Variants in ERC2 observed in about 807,000 individuals in gnomAD.
ERC2 encodes ERC protein 2.
Under a neutral mutation model 114.8 loss-of-function variants are expected in ERC2, and 42 were observed. The ratio of observed to expected loss-of-function variants is 0.37; its 90% CI spans 0.29 to 0.47. The LOEUF (loss-of-function observed/expected upper bound fraction) is 0.47. Ranked by LOEUF, ERC2 falls within the 20% of genes least tolerant of loss-of-function variation. ERC2 has a pLI of 0.99. For missense variants in ERC2, 939 were observed against 1,150.7 expected, an observed-to-expected ratio of 0.82 and a Z score of 2.66; for synonymous variants, 454 against 425.5, an observed-to-expected ratio of 1.07 and a Z score of -0.82.
At chr3:55,997,545 T>C (rs1430974111) in intron 10 of ERC2, among the ~76,000 whole-genome samples, 1 of 148,494 alleles carries the variant, frequency 6.7e-6, no homozygotes, top group Non-Finnish European at 1.5e-5. Flanking sequence ...TAACATATTA[T>C]AACTCTATAA....
chr3:56,268,333 T>G (rs762092952), intron 3 of ERC2, among the ~76,000 whole-genome samples: 5 of 152,208 alleles, frequency 3.3e-5, no homozygotes, highest in Admixed American at 6.5e-5. Context: ...TCTACAATGT[T>G]CACGCAATGT....
intron 17 of ERC2, among the ~76,000 whole-genome samples, chr3:55,550,584 T>C (rs2055096776): frequency 6.6e-6 from 1 of 152,208 alleles, no homozygotes; most frequent in Admixed American, 6.5e-5. Context: ...TTATGAATTG[T>C]TCCTTGTTGC....
intron 7 of ERC2, among the ~76,000 whole-genome samples, chr3:56,046,565 G>A (rs972980107): frequency 3.9e-5 from 6 of 152,278 alleles, no homozygotes; most frequent in African/African-American, 1.4e-4. Context: ...ACCCATTGGA[G>A]GCCAACCATA....
chr3:55,812,258 G>A (rs2059746650), intron 14 of ERC2, among the ~76,000 whole-genome samples: 1 of 152,202 alleles, frequency 6.6e-6, no homozygotes, highest in Non-Finnish European at 1.5e-5. Context: ...TTCTCCCATA[G>A]AGGGGACCTC....
At chr3:55,883,894 A>ACAACAG (rs1215278488) in intron 14 of ERC2, among the ~76,000 whole-genome samples, 4 of 148,446 alleles carry the variant, frequency 2.7e-5, no homozygotes, top group African/African-American at 1.0e-4. Flanking sequence ...TCTCAAAACA[A>ACAACAG]CAACAACAAC....
chr3:55,645,338 TAA>T (rs1270904016), intron 17 of ERC2, among the ~76,000 whole-genome samples: 2 of 152,192 alleles, frequency 1.3e-5, no homozygotes, highest in Admixed American at 1.3e-4. Flanking sequence ...CTTATTTTTT[TAA>T]GAGTCTGCAA....
intron 10 of ERC2, among the ~76,000 whole-genome samples, chr3:55,993,271 C>T (rs2071223106): frequency 6.6e-6 from 1 of 152,082 alleles, no homozygotes; most frequent in South Asian, 2.1e-4. Context: ...TCTCCAAAAT[C>T]CATGGGTGAT....
chr3:56,384,171 C>G (rs2106759291), intron 2 of ERC2, among the ~76,000 whole-genome samples: 1 of 152,208 alleles, frequency 6.6e-6, no homozygotes. Context: ...CATGGGTGTA[C>G]AAATATCTGT....
At chr3:56,406,521 G>C (rs2060734994) in intron 2 of ERC2, among the ~76,000 whole-genome samples, 1 of 152,176 alleles carries the variant, frequency 6.6e-6, no homozygotes, top group African/African-American at 2.4e-5. Flanking sequence ...AGCACACAGG[G>C]CCCAGACTTA....
At chr3:55,743,745 G>A (rs2066130053) in intron 14 of ERC2, among the ~76,000 whole-genome samples, 1 of 152,084 alleles carries the variant, frequency 6.6e-6, no homozygotes, top group African/African-American at 2.4e-5. Flanking sequence ...ATTTAGTGCT[G>A]GGGCTTTGGA....
At chr3:55,603,214 A>ATTTTATTTTATTT (rs2058486061) in intron 17 of ERC2, among the ~76,000 whole-genome samples, 1 of 152,228 alleles carries the variant, frequency 6.6e-6, no homozygotes, top group Non-Finnish European at 1.5e-5. Flanking sequence ...AAAACCAGAG[A>ATTTTATTTTATTT]TACTATGTTT....
chr3:55,980,426 G>A (rs1365827851), intron 12 of ERC2, among the ~76,000 whole-genome samples: 1 of 152,136 alleles, frequency 6.6e-6, no homozygotes, highest in Non-Finnish European at 1.5e-5. Context: ...GAAATTCCAA[G>A]CACCTTCACC....
chr3:56,297,543 C>T (rs1316384598), intron 2 of ERC2, among the ~76,000 whole-genome samples: 2 of 152,236 alleles, frequency 1.3e-5, no homozygotes, highest in Non-Finnish European at 2.9e-5. Context: ...CAACACCTTT[C>T]CCCATAGGAC....
chr3:56,426,364 C>T (rs545352456), intron 2 of ERC2, among the ~76,000 whole-genome samples: 1 of 152,340 alleles, frequency 6.6e-6, no homozygotes, highest in Admixed American at 6.5e-5. Context: ...GGTCTCACTT[C>T]GAGATGCTCC....
intron 3 of ERC2, among the ~76,000 whole-genome samples, chr3:56,208,895 G>A (rs2048892937): frequency 6.6e-6 from 1 of 152,160 alleles, no homozygotes; most frequent in South Asian, 2.1e-4. Context: ...AATGGTCACA[G>A]CCTCAGACAC....
intron 16 of ERC2, among the ~76,000 whole-genome samples, chr3:55,696,299 A>T (rs1250658003): frequency 6.6e-6 from 1 of 152,192 alleles, no homozygotes; most frequent in Non-Finnish European, 1.5e-5. Context: ...AAAGTTCAAG[A>T]GGCAATATCA....
intron 14 of ERC2, among the ~76,000 whole-genome samples, chr3:55,746,834 G>A (rs2066339532): frequency 6.6e-6 from 1 of 152,176 alleles, no homozygotes; most frequent in South Asian, 2.1e-4. Context: ...CTCCCTTGTT[G>A]TGCCTGCCAC....
At chr3:55,953,129 C>T (rs557088767) in intron 12 of ERC2, among the ~76,000 whole-genome samples, 28 of 151,132 alleles carry the variant, frequency 1.9e-4, no homozygotes, top group Non-Finnish European at 3.4e-4. Flanking sequence ...GGCGTGAACC[C>T]GGGAGGCACA....
chr3:55,514,082 G>C (rs1244078217), intron 17 of ERC2, among the ~76,000 whole-genome samples: 3 of 152,208 alleles, frequency 2.0e-5, no homozygotes, highest in Non-Finnish European at 4.4e-5. Context: ...TTACTAATCA[G>C]TTGACTTCAA....
Sources: allele counts gnomAD v4.1 joint callset (sites outside exome capture counted in the v4.1 genomes callset), GRCh38; gene constraint gnomAD v4.1.1; transcripts MANE v1.5; gene names NCBI Gene and HGNC (gene_info 2026-07-23, HGNC 2026-07-21).